Variants in CNGB1 observed in about 807,000 individuals in gnomAD.
The protein encoded by CNGB1 is cyclic nucleotide-gated channel beta-1.
CNGB1 carries 126 observed loss-of-function variants against 151.7 expected under a neutral mutation model. That is an observed-to-expected ratio of 0.83 (90% CI 0.72 to 0.96). CNGB1 has a LOEUF of 0.96. CNGB1 is among the 40% of genes least tolerant of loss of function. The pLI, the probability that CNGB1 is intolerant of heterozygous loss-of-function variation, is 0.00. For missense variants in CNGB1, 1,698 were observed against 1,627.0 expected (o/e 1.04, Z -0.75); for synonymous variants, 623 against 635.1 (o/e 0.98, Z 0.29).
intron 16 of CNGB1, among the ~76,000 whole-genome samples, chr16:57,938,251 C>T (rs1008702890): frequency 6.6e-6 from 1 of 152,184 alleles, no homozygotes; most frequent in African/African-American, 2.4e-5. Context: ...TCTTTTTCAT[C>T]CATGTGGGGA....
chr16:57,942,895 G>A (rs1279304229), intron 14 of CNGB1, among the ~76,000 whole-genome samples: 1 of 149,822 alleles, frequency 6.7e-6, no homozygotes, highest in East Asian at 1.9e-4. Flanking sequence ...CACATTGATT[G>A]AACACTACTT....
At position 57,911,868 on chromosome 16, in the gene CNGB1, T is replaced by C. The variant is rs1960724869; in HGVS notation, c.2377A>G (p.Arg793Gly). ...LSKAYVYRVIRTTAYLLYSLH... is the reference protein window; with the variant it reads ...LSKAYVYRVIGTTAYLLYSLH... Reference sequence around the variant, plus strand: ...CTGTAGAGAAGGTAGGCTGTGGTCCTGATGACCCTGCAGAAGGAACACAGC... The same window carrying C: ...CTGTAGAGAAGGTAGGCTGTGGTCCCGATGACCCTGCAGAAGGAACACAGC... Residue 793 changes from arginine to glycine, a missense_variant, in exon 25 of 33, where the codon AGG becomes GGG. By Grantham distance (125) the Arg-to-Gly change is moderately radical. Coordinates refer to ENST00000251102, the MANE Select transcript of CNGB1 (RefSeq NM_001297.5). 6.2e-7 allele frequency: 1 copy of C among 1,613,446 alleles called. No homozygotes were observed. The highest frequency in any genetic ancestry group is 1.3e-5 in the African/African-American group (1 of 74,890).
rs571800687 is a variant in CNGB1 at position 57,946,563 on chromosome 16, T to G, written c.1121+2790A>C. ...CCTGCTTCTAATCAGATTGAGGAGA[T>G]GTGCAGGGAATGGCAGAAGCATCCC... On this transcript the variant is annotated intron_variant, in intron 14 of 32. Coordinates refer to ENST00000251102, the MANE Select transcript of CNGB1 (RefSeq NM_001297.5). 3 of 152,260 alleles carry G rather than the reference T, an allele frequency of 2.0e-5. No individual in the cohort carries two copies. The South Asian group carries it at 6.2e-4, about 32-fold the overall frequency. 9.4% of individuals were successfully genotyped at this position (152,260 alleles called of 1,614,324 possible).
chr16:57,903,078 C>T (rs929129814), intron 27 of CNGB1, among the ~76,000 whole-genome samples: 11 of 151,524 alleles, frequency 7.3e-5, no homozygotes, highest in Admixed American at 5.3e-4. Context: ...CTGCTGCACC[C>T]ATCATGGGGT....
chr16:57,952,121 C>A (rs1429732657), intron 12 of CNGB1, among the ~76,000 whole-genome samples: 1 of 152,258 alleles, frequency 6.6e-6, no homozygotes, highest in East Asian at 1.9e-4. Flanking sequence ...CCTGCCTGGG[C>A]ATAGCAGGGG....
intron 27 of CNGB1, among the ~76,000 whole-genome samples, chr16:57,902,998 G>A (rs190432811): frequency 1.1e-3 from 161 of 152,186 alleles, no homozygotes; most frequent in Admixed American, 9.3e-3. Context: ...CTTGTAGCTC[G>A]AGGGATAAAC....
intron 17 of CNGB1, among the ~76,000 whole-genome samples, chr16:57,927,252 G>T (rs1248847779): frequency 6.6e-6 from 1 of 152,234 alleles, no homozygotes; most frequent in Non-Finnish European, 1.5e-5. Flanking sequence ...TACAAGTGAT[G>T]CTCTGGGATT....
At chr16:57,922,627 C>T (rs1291123964) in intron 18 of CNGB1, among the ~76,000 whole-genome samples, 2 of 150,196 alleles carry the variant, frequency 1.3e-5, no homozygotes, top group African/African-American at 4.9e-5. Flanking sequence ...CAGGGTTTCA[C>T]CATATTGGTC....
intron 17 of CNGB1, among the ~76,000 whole-genome samples, chr16:57,924,517 G>A (rs2149368549): frequency 6.6e-6 from 1 of 152,324 alleles, no homozygotes; most frequent in East Asian, 1.9e-4. Context: ...TTAAAACACA[G>A]AAGGCTGAGT....
chr16:57,905,182 T>C (rs1417163492), intron 25 of CNGB1, among the ~76,000 whole-genome samples: 2 of 152,196 alleles, frequency 1.3e-5, no homozygotes, highest in African/African-American at 4.8e-5. Context: ...GACCAGGGTC[T>C]TCCAACTCCT....
intron 31 of CNGB1, among the ~76,000 whole-genome samples, chr16:57,892,349 G>A (rs1266215666): frequency 6.6e-6 from 1 of 152,288 alleles, no homozygotes. Flanking sequence ...TGTCCCTGGG[G>A]AGAGGAGGCA....
chr16:57,960,004 C>A lies in CNGB1; in HGVS notation c.645G>T (p.Leu215=). 6.3e-7 allele frequency: 1 copy of A among 1,583,130 alleles called. No homozygotes were observed. Among genetic ancestry groups the A allele is most frequent in the Non-Finnish European group, 8.6e-7 (1 of 1,166,350 alleles). Residue 215 remains leucine, a synonymous_variant, in exon 10 of 33, where the codon CTG becomes CTT. Transcript: ENST00000251102. ...TGGGCTGCAGGGGGATGGGTGTGGG[C>A]AGGGAGGGGGTCTCCCGGGCCTGCA... ...PKLQARETPS[L]PTPIPLQPKE...
intron 18 of CNGB1, 88 bp downstream of exon 18, chr16:57,923,185 A>G (rs1158688638): frequency 1.0e-5 from 10 of 983,944 alleles, no homozygotes; most frequent in Middle Eastern, 3.2e-4. Context: ...TTGCGGTAGA[A>G]GGTTCTAAAA....
rs770908387 is a variant in CNGB1 at position 57,911,893 on chromosome 16, C to A, written c.2370-18G>T. ...TGATGACCCTGCAGAAGGAACACAGCGCATGAACACAGCGGCGGAAGGGGG... is the reference window on the plus strand; with the variant it reads ...TGATGACCCTGCAGAAGGAACACAGAGCATGAACACAGCGGCGGAAGGGGG... On this transcript the variant is annotated intron_variant, in intron 24 of 32. Coordinates refer to ENST00000251102, the MANE Select transcript of CNGB1 (RefSeq NM_001297.5). 1.9e-6 allele frequency: 3 copies of A among 1,612,416 alleles called. No homozygotes were observed. The South Asian group carries it at 3.3e-5, about 18-fold the overall frequency.
chr16:57,917,166 A>G (rs1960890261), intron 21 of CNGB1, 102 bp downstream of exon 21: 1 of 955,400 alleles, frequency 1.0e-6, no homozygotes, highest in East Asian at 2.6e-5. Flanking sequence ...TTCCTTATTC[A>G]CTTATTTTGT....
Position 57,911,979 on chromosome 16 carries a change from A to G in CNGB1, c.2370-104T>C, listed in dbSNP as rs1960729096. The G allele has an allele frequency of 2.0e-5, 30 of 1,505,174 alleles. 1 individual carries two copies. The South Asian group carries it at 3.1e-4, about 16-fold the overall frequency. The allele number at this position is 1,505,174 out of a possible 1,614,324, so 93.2% of individuals were successfully genotyped here. ...CCCATGGCTGGGCTGGCCCGACTGG[A>G]TGCTTTGTTGAGATTGCACCAGTTA... is the stretch of plus-strand genomic sequence containing the variant. On this transcript the variant is annotated intron_variant, in intron 24 of 32. Transcript: ENST00000251102.
intron 2 of CNGB1, among the ~76,000 whole-genome samples, chr16:57,966,186 A>C (rs1411908900): frequency 6.6e-6 from 1 of 152,028 alleles, no homozygotes; most frequent in East Asian, 1.9e-4. Flanking sequence ...GGTCTGACAC[A>C]CTTATTTGGC....
chr16:57,959,969 G>A lies in CNGB1; in HGVS notation c.680C>T (p.Pro227Leu), dbSNP rs1227660187. 6.3e-7 allele frequency: 1 copy of A among 1,591,700 alleles called. No individual in the cohort carries two copies. Among genetic ancestry groups the A allele is most frequent in the African/African-American group, 1.3e-5 (1 of 74,668 alleles). ...GGGCTCTGGAGCTGGTGCCTCCTTG[G>A]GTTCCTCCTTGGGCTGCAGGGGGAT... ...TPIPLQPKEE[P>L]KEAPAPEPQP... Residue 227 changes from proline to leucine, a missense_variant, in exon 10 of 33, where the codon CCC (proline) becomes CTC (leucine). Transcript: ENST00000251102.
chr16:57,915,306 A>C lies in CNGB1; in HGVS notation c.2247T>G (p.Asp749Glu). Residue 749 changes from aspartate (D) to glutamate (E), a missense_variant, in exon 23 of 33, where the codon GAT (aspartate) becomes GAG (glutamate). Physicochemically the swap from Asp to Glu is conservative, Grantham distance 45 (BLOSUM62 2). Coordinates refer to ENST00000251102, the MANE Select transcript of CNGB1 (RefSeq NM_001297.5). ...TCACACCGACTTTCAAATAGAGAAA[A>C]TCCAAGGGCAGGAGGCTGAGCAGGT... ...KMDLLSLLPL[D>E]FLYLKVGVNP... 6.2e-7 allele frequency: 1 copy of C among 1,614,072 alleles called. No homozygotes were observed. Among genetic ancestry groups the C allele is most frequent in the South Asian group, 1.1e-5 (1 of 91,070 alleles).
Sources: allele counts gnomAD v4.1 joint callset (sites outside exome capture counted in the v4.1 genomes callset), GRCh38; gene constraint gnomAD v4.1.1; transcripts MANE v1.5; gene names NCBI Gene and HGNC (gene_info 2026-07-23, HGNC 2026-07-21).